The following SIK3 variants were observed in gnomAD, a reference collection of about 807,000 sequenced individuals.
SIK3 encodes the protein serine/threonine-protein kinase SIK3.
A neutral mutation model predicts 144.2 loss-of-function variants in SIK3; 28 were observed. That is an observed-to-expected ratio of 0.19 (90% CI 0.14 to 0.27). SIK3 has a LOEUF of 0.27. SIK3 is among the 10% of genes least tolerant of loss of function. SIK3 has a pLI of 1.00. For missense variants in SIK3, 1,319 were observed against 1,776.0 expected (o/e 0.74, Z 4.62); for synonymous variants, 686 against 676.3 (o/e 1.01, Z -0.22).
intron 1 of SIK3, among the ~76,000 whole-genome samples, chr11:116,966,780 G>T (rs552481932): frequency 1.3e-5 from 2 of 151,418 alleles, no homozygotes; most frequent in Non-Finnish European, 2.9e-5. Flanking sequence ...TGGGCGGACT[G>T]CCTGGGGTCA....
chr11:116,938,950 T>C (rs540166487), intron 3 of SIK3, among the ~76,000 whole-genome samples: 2 of 152,186 alleles, frequency 1.3e-5, no homozygotes, highest in East Asian at 3.9e-4. Context: ...ACTTCCTTAG[T>C]CTCCACTGGA....
intron 1 of SIK3, among the ~76,000 whole-genome samples, chr11:117,070,356 TAAG>T (rs922662953): frequency 6.6e-6 from 1 of 152,064 alleles, no homozygotes; most frequent in African/African-American, 2.4e-5. Context: ...GAAGCTAAGA[TAAG>T]AAGATCACTT....
At chr11:117,090,428 T>C (rs1279387655) in intron 1 of SIK3, among the ~76,000 whole-genome samples, 2 of 152,108 alleles carry the variant, frequency 1.3e-5, no homozygotes, top group Non-Finnish European at 1.5e-5. Flanking sequence ...AATGGTTCTC[T>C]TGACCCTCAC....
At chr11:117,000,154 C>A (rs1159477314) in intron 1 of SIK3, among the ~76,000 whole-genome samples, 1 of 152,114 alleles carries the variant, frequency 6.6e-6, no homozygotes, top group African/African-American at 2.4e-5. Flanking sequence ...GGGCCTATTG[C>A]CCAACCTTAA....
In SIK3 at chr11:116,849,968, C is replaced by T. The variant is rs1431210504; in HGVS notation, c.3656-685G>A. Among the ~76,000 whole-genome samples, 1 of 152,168 alleles carries T rather than the reference C, an allele frequency of 6.6e-6. No homozygotes were observed. Among genetic ancestry groups the T allele is most frequent in the Admixed American group, 6.5e-5 (1 of 15,272 alleles). ...TATCTAACCAGCATGTAACACTTAC[C>T]ATGTCCAATTCCAAACCCATCCACT... On this transcript the variant is annotated intron_variant, in intron 21 of 24. Coordinates refer to ENST00000445177, the MANE Select transcript of SIK3 (RefSeq NM_001366686.3). This position sits in a 1 kb window ranked among gnomAD's most constrained non-coding sequence, Gnocchi z 4.2.
chr11:116,997,925 T>G (rs1047274077), intron 1 of SIK3, among the ~76,000 whole-genome samples: 6 of 152,146 alleles, frequency 3.9e-5, no homozygotes, highest in Non-Finnish European at 8.8e-5. Context: ...AGTGCCATAA[T>G]CATAGCTCAT....
chr11:116,955,818 G>C (rs562948764), intron 2 of SIK3, among the ~76,000 whole-genome samples: 1 of 152,254 alleles, frequency 6.6e-6, no homozygotes, highest in South Asian at 2.1e-4. Flanking sequence ...CAACAGGTCT[G>C]CTCCTGTTGA....
At chr11:116,854,723 C>T (rs998916869) in intron 21 of SIK3, among the ~76,000 whole-genome samples, 9 of 152,140 alleles carry the variant, frequency 5.9e-5, no homozygotes, top group Admixed American at 4.6e-4. Flanking sequence ...ATAAGCCTTT[C>T]GTGACAGAAG....
chr11:117,092,651 A>G (rs1469428178), intron 1 of SIK3, among the ~76,000 whole-genome samples: 2 of 152,236 alleles, frequency 1.3e-5, no homozygotes, highest in East Asian at 3.8e-4. Flanking sequence ...AAAAATTTTC[A>G]TTCAATAAAT....
At chr11:116,977,693 G>C (rs1358681895) in intron 1 of SIK3, among the ~76,000 whole-genome samples, 1 of 152,148 alleles carries the variant, frequency 6.6e-6, no homozygotes, top group African/African-American at 2.4e-5. Flanking sequence ...ACAGTCTTTG[G>C]TTTTTAACAA....
At chr11:117,031,631 C>G (rs1474231737) in intron 1 of SIK3, among the ~76,000 whole-genome samples, 1 of 150,564 alleles carries the variant, frequency 6.6e-6, no homozygotes, top group African/African-American at 2.4e-5. Context: ...AAGGGATTCT[C>G]TGCCTCACCC....
At chr11:116,894,646 T>C (rs1945298053) in intron 6 of SIK3, among the ~76,000 whole-genome samples, 1 of 152,236 alleles carries the variant, frequency 6.6e-6, no homozygotes, top group African/African-American at 2.4e-5. Context: ...CTCTCCTGGC[T>C]TCAGTTTTAT....
chr11:116,915,238 C>T (rs1366413587), intron 4 of SIK3, among the ~76,000 whole-genome samples: 1 of 151,322 alleles, frequency 6.6e-6, no homozygotes, highest in Non-Finnish European at 1.5e-5. Context: ...GTTGCCCAGG[C>T]TGGTATGCAG....
intron 4 of SIK3, among the ~76,000 whole-genome samples, chr11:116,902,960 GTCTTC>G (rs1237309951): frequency 6.6e-6 from 1 of 152,136 alleles, no homozygotes; most frequent in East Asian, 1.9e-4. Context: ...GCATATCGCT[GTCTTC>G]TCTTCCCTAC....
chr11:116,903,697 T>G (rs959392960), intron 4 of SIK3, among the ~76,000 whole-genome samples: 9 of 152,222 alleles, frequency 5.9e-5, no homozygotes, highest in African/African-American at 1.4e-4. Context: ...TCTTCCTGCC[T>G]CAGCCTCCTA....
intron 1 of SIK3, among the ~76,000 whole-genome samples, chr11:117,038,566 A>G (rs1314119981): frequency 6.6e-6 from 1 of 151,668 alleles, no homozygotes; most frequent in Non-Finnish European, 1.5e-5. Flanking sequence ...CATGTTGGCC[A>G]GGCTGGTATC....
intron 1 of SIK3, among the ~76,000 whole-genome samples, chr11:117,072,113 C>A (rs912345905): frequency 1.3e-5 from 2 of 151,504 alleles, no homozygotes; most frequent in African/African-American, 4.8e-5. Flanking sequence ...CACAGCCAGG[C>A]GTGGTGGCTC....
intron 1 of SIK3, among the ~76,000 whole-genome samples, chr11:116,975,461 T>C (rs1389298798): frequency 7.2e-5 from 10 of 139,230 alleles, no homozygotes; most frequent in Admixed American, 6.8e-4. Flanking sequence ...GATCATACAA[T>C]ATCTGGTCCT....
chr11:116,933,150 T>C (rs1947713138), intron 3 of SIK3, among the ~76,000 whole-genome samples: 1 of 151,480 alleles, frequency 6.6e-6, no homozygotes, highest in Non-Finnish European at 1.5e-5. Context: ...TTTTTTTTTT[T>C]TTTCTTTTTT....
Sources: allele counts gnomAD v4.1 joint callset (sites outside exome capture counted in the v4.1 genomes callset), GRCh38; gene constraint gnomAD v4.1.1; non-coding constraint Gnocchi (gnomAD v3.1); transcripts MANE v1.5; gene names NCBI Gene and HGNC (gene_info 2026-07-23, HGNC 2026-07-21).